COL8A1: variants seen among roughly 807,000 people sequenced by gnomAD.
The protein encoded by COL8A1 is collagen alpha-1(VIII) chain.
A neutral mutation model predicts 42.7 loss-of-function variants in COL8A1; 21 were observed. That is an observed-to-expected ratio of 0.49 (90% CI 0.35 to 0.71). The LOEUF (loss-of-function observed/expected upper bound fraction) is 0.71, where lower values mean the gene tolerates loss of function less well. COL8A1 is among the 30% of genes least tolerant of loss of function. COL8A1 has a pLI of 0.01. For synonymous variants in COL8A1, 367 were observed against 369.1 expected (o/e 0.99, Z 0.06); for missense variants, 788 against 962.4 (o/e 0.82, Z 2.40).
At chr3:99,782,401 T>C (rs1001456522) in intron 2 of COL8A1, among the ~76,000 whole-genome samples, 5 of 152,068 alleles carry the variant, frequency 3.3e-5, no homozygotes, top group Non-Finnish European at 7.4e-5. Context: ...TATTTATTTA[T>C]TTATGTTTGA....
intron 1 of COL8A1, among the ~76,000 whole-genome samples, chr3:99,684,837 C>G (rs1939000028): frequency 1.3e-5 from 2 of 152,114 alleles, no homozygotes; most frequent in Non-Finnish European, 2.9e-5. Context: ...ATCTCAAGGT[C>G]TCACTCTTAA....
intron 1 of COL8A1, among the ~76,000 whole-genome samples, chr3:99,730,935 T>C (rs897257593): frequency 1.3e-5 from 2 of 152,160 alleles, no homozygotes; most frequent in Admixed American, 1.3e-4. Context: ...TGTTCTTTTT[T>C]AAAAATCATG....
chr3:99,707,277 A>T (rs1939707154), intron 1 of COL8A1: 1 of 152,204 alleles, frequency 6.6e-6, no homozygotes, highest in Non-Finnish European at 1.5e-5. Flanking sequence ...CTGACACACT[A>T]AGAGGGTAGA....
chr3:99,697,039 T>G (rs891869419), intron 1 of COL8A1, among the ~76,000 whole-genome samples: 2 of 131,266 alleles, frequency 1.5e-5, no homozygotes, highest in Non-Finnish European at 3.1e-5. Flanking sequence ...CAGGCTGGAG[T>G]GCAGTGGCGG....
At chr3:99,762,938 T>C (rs1203137499) in intron 2 of COL8A1, among the ~76,000 whole-genome samples, 1 of 152,200 alleles carries the variant, frequency 6.6e-6, no homozygotes, top group Non-Finnish European at 1.5e-5. Flanking sequence ...TCCCCTTTGT[T>C]GTAATGAATA....
At chr3:99,648,896 C>T (rs537880585) in intron 1 of COL8A1, among the ~76,000 whole-genome samples, 1 of 152,278 alleles carries the variant, frequency 6.6e-6, no homozygotes, top group East Asian at 1.9e-4. Flanking sequence ...TCTATGTTGT[C>T]TACACCTGCT....
chr3:99,708,239 G>C (rs918332953), intron 1 of COL8A1, among the ~76,000 whole-genome samples: 6 of 152,144 alleles, frequency 3.9e-5, no homozygotes, highest in African/African-American at 1.4e-4. Flanking sequence ...TGCTTATGTG[G>C]TGAGCAGGCA....
chr3:99,736,930 T>A (rs914887962), intron 1 of COL8A1, among the ~76,000 whole-genome samples: 1 of 152,220 alleles, frequency 6.6e-6, no homozygotes, highest in African/African-American at 2.4e-5. Context: ...ATTGGGTGCA[T>A]ATATATTTAG....
At chr3:99,707,084 G>A (rs1440477420) in intron 1 of COL8A1, 2 of 152,194 alleles carry the variant, frequency 1.3e-5, no homozygotes, top group African/African-American at 4.8e-5. Flanking sequence ...GGACAGAAAA[G>A]TGAAATGCAG....
At chr3:99,725,124 T>TG (rs1311226980) in intron 1 of COL8A1, among the ~76,000 whole-genome samples, 1 of 152,022 alleles carries the variant, frequency 6.6e-6, no homozygotes, top group African/African-American at 2.4e-5. Flanking sequence ...AGAGCAATTC[T>TG]GGGGGGAGTG....
chr3:99,660,566 A>T (rs1449462121), intron 1 of COL8A1, among the ~76,000 whole-genome samples: 1 of 152,134 alleles, frequency 6.6e-6, no homozygotes, highest in African/African-American at 2.4e-5. Flanking sequence ...GCTGAGACTG[A>T]ATCCTTGGCT....
intron 2 of COL8A1, among the ~76,000 whole-genome samples, chr3:99,776,395 T>TACA (rs1265451395): frequency 2.6e-5 from 4 of 152,192 alleles, no homozygotes; most frequent in African/African-American, 9.7e-5. Context: ...AAGTTGTGCC[T>TACA]GAATCCTCTA....
chr3:99,713,584 G>T (rs1244414128), intron 1 of COL8A1, among the ~76,000 whole-genome samples: 1 of 152,060 alleles, frequency 6.6e-6, no homozygotes, highest in African/African-American at 2.4e-5. Flanking sequence ...GACGTTCAGT[G>T]CCTTCCCTCT....
intron 1 of COL8A1, among the ~76,000 whole-genome samples, chr3:99,683,340 A>G (rs1938948063): frequency 6.6e-6 from 1 of 152,226 alleles, no homozygotes; most frequent in Non-Finnish European, 1.5e-5. Context: ...ATGATTGAAT[A>G]AAAAATAAAT....
At chr3:99,650,876 A>G (rs1468711708) in intron 1 of COL8A1, among the ~76,000 whole-genome samples, 4 of 152,248 alleles carry the variant, frequency 2.6e-5, no homozygotes, top group Non-Finnish European at 5.9e-5. Flanking sequence ...CTTGGTGAGC[A>G]TATAAACTAC....
At chr3:99,688,446 A>C (rs1473495710) in intron 1 of COL8A1, among the ~76,000 whole-genome samples, 2 of 152,088 alleles carry the variant, frequency 1.3e-5, no homozygotes, top group Admixed American at 6.6e-5. Context: ...TTTCGGCAGC[A>C]CATCTTCCTT....
intron 2 of COL8A1, among the ~76,000 whole-genome samples, chr3:99,780,509 TATC>T (rs1438086273): frequency 6.6e-6 from 1 of 152,210 alleles, no homozygotes; most frequent in African/African-American, 2.4e-5. Context: ...TTTACAAGGA[TATC>T]ATGATAGAGA....
At chr3:99,659,851 A>G (rs1385481214) in intron 1 of COL8A1, among the ~76,000 whole-genome samples, 2 of 152,188 alleles carry the variant, frequency 1.3e-5, no homozygotes, top group East Asian at 1.9e-4. Context: ...ACTCTGTTCT[A>G]TTGCTGGCCA....
At chr3:99,736,003 T>C (rs1192351504) in intron 1 of COL8A1, among the ~76,000 whole-genome samples, 1 of 149,776 alleles carries the variant, frequency 6.7e-6, no homozygotes, top group Admixed American at 6.7e-5. Context: ...TGATATCCCC[T>C]TTATCATTTT....
Sources: gnomAD v4.1 joint callset for allele counts (sites outside exome capture counted in the v4.1 genomes callset) on GRCh38, gnomAD v4.1.1 for gene constraint, MANE v1.5 for transcripts, NCBI Gene and HGNC (gene_info 2026-07-23, HGNC 2026-07-21) for gene names.